The following LRMDA variants were observed in gnomAD, a reference collection of about 807,000 sequenced individuals.
LRMDA encodes the protein leucine-rich melanocyte differentiation-associated protein.
In LRMDA, 18 loss-of-function variants were observed where a neutral mutation model predicts 29.8. The ratio of observed to expected loss-of-function variants is 0.60; its 90% confidence interval spans 0.42 to 0.90. The LOEUF is 0.90. Ranked by LOEUF, LRMDA falls within the 40% of genes least tolerant of loss-of-function variation. The pLI, the probability that LRMDA is intolerant of heterozygous loss-of-function variation, is 0.00. For synonymous variants in LRMDA, 125 were observed against 109.4 expected (o/e 1.14, Z -0.89); for missense variants, 273 against 273.9 (o/e 1.00, Z 0.02).
In LRMDA at chr10:76,268,166, G is replaced by A. The variant is rs1840027871; in HGVS notation, c.517-56235G>A. ...TGTAACAAATATAACCTGGTGTGAAGGCCAAGGTTAACCCTAACCCAAACC... is the reference window on the plus strand; with the variant it reads ...TGTAACAAATATAACCTGGTGTGAAAGCCAAGGTTAACCCTAACCCAAACC... On this transcript the variant is annotated intron_variant, in intron 5 of 6. Coordinates refer to ENST00000611255, the MANE Select transcript of LRMDA (RefSeq NM_001305581.2). Among the ~76,000 whole-genome samples, 6 of 152,258 alleles carry A rather than the reference G, an allele frequency of 3.9e-5. No individual in the cohort carries two copies. The South Asian group carries it at 1.2e-3, about 32-fold the overall frequency.
chr10:76,420,725 T>G (rs985596909), intron 6 of LRMDA, among the ~76,000 whole-genome samples: 20 of 152,292 alleles, frequency 1.3e-4, no homozygotes, highest in African/African-American at 4.3e-4. Flanking sequence ...CATACTTTCA[T>G]AGTCATTCAA....
intron 6 of LRMDA, among the ~76,000 whole-genome samples, chr10:76,348,016 C>T (rs2132428349): frequency 6.6e-6 from 1 of 152,188 alleles, no homozygotes; most frequent in South Asian, 2.1e-4. Context: ...AGGTGTGGTA[C>T]ATGCATGGGA....
In LRMDA at chr10:75,761,326, A is replaced by AT. The variant is rs140400587; in HGVS notation, c.132-274679dup. On this transcript the variant is annotated intron_variant, in intron 2 of 6. Transcript: ENST00000611255. Reference sequence around the variant, plus strand: ...AATGGATAAACAAAATATAGCCTATATTTACAATGTAATATTATCCAGCCT... The same window carrying AT: ...AATGGATAAACAAAATATAGCCTATATTTTACAATGTAATATTATCCAGCCT... Among the ~76,000 whole-genome samples the AT allele has an allele frequency of 2.6e-3, 396 of 152,352 alleles. 3 individuals are homozygous for AT. The highest frequency in any genetic ancestry group is 0.024 in the South Asian group (114 of 4,828).
At chr10:76,128,489 G>T (rs1222060771) in intron 5 of LRMDA, among the ~76,000 whole-genome samples, 1 of 152,218 alleles carries the variant, frequency 6.6e-6, no homozygotes, top group Admixed American at 6.5e-5. Flanking sequence ...CCCAGTTGGA[G>T]AAATTAAAAG....
chr10:76,351,190 G>A (rs1161673533), intron 6 of LRMDA, among the ~76,000 whole-genome samples: 2 of 152,128 alleles, frequency 1.3e-5, no homozygotes, highest in Non-Finnish European at 2.9e-5. Context: ...AATGCAGAAT[G>A]AAGGATGCAG....
intron 6 of LRMDA, among the ~76,000 whole-genome samples, chr10:76,541,568 A>T (rs1308914667): frequency 6.9e-6 from 1 of 145,388 alleles, no homozygotes; most frequent in Non-Finnish European, 1.5e-5. Context: ...TTTATTCTTT[A>T]AGTCAGTATT....
chr10:75,756,573 C>T (rs1206377716), intron 2 of LRMDA, among the ~76,000 whole-genome samples: 1 of 152,224 alleles, frequency 6.6e-6, no homozygotes, highest in African/African-American at 2.4e-5. Context: ...TGCAGCTGAA[C>T]ATAATCCTAA....
intron 6 of LRMDA, among the ~76,000 whole-genome samples, chr10:76,383,580 G>A (rs1053740209): frequency 7.3e-5 from 11 of 149,668 alleles, no homozygotes; most frequent in Admixed American, 1.3e-4. Context: ...ACAGGCGCCC[G>A]CCACCACGCC....
chr10:76,357,581 G>T (rs1297661331), intron 6 of LRMDA, among the ~76,000 whole-genome samples: 1 of 152,180 alleles, frequency 6.6e-6, no homozygotes, highest in Non-Finnish European at 1.5e-5. Flanking sequence ...ACTCTATATT[G>T]TTTGTTCTCT....
intron 5 of LRMDA, among the ~76,000 whole-genome samples, chr10:76,204,750 A>G (rs80222636): frequency 0.013 from 1,924 of 152,348 alleles, 49 homozygotes; most frequent in African/African-American, 0.041. Flanking sequence ...GTCCCAATCT[A>G]GGGCTTAATT....
At chr10:75,946,415 C>T (rs1846476957) in intron 2 of LRMDA, among the ~76,000 whole-genome samples, 1 of 152,204 alleles carries the variant, frequency 6.6e-6, no homozygotes, top group Admixed American at 6.5e-5. Context: ...CATCTGACTG[C>T]ACATGGGCCT....
At chr10:75,921,640 A>G (rs1398218994) in intron 2 of LRMDA, among the ~76,000 whole-genome samples, 1 of 152,142 alleles carries the variant, frequency 6.6e-6, no homozygotes, top group Admixed American at 6.5e-5. Flanking sequence ...ATGTGGGCAT[A>G]TGTGCATGCA....
At chr10:75,719,037 G>T (rs1184191271) in intron 2 of LRMDA, among the ~76,000 whole-genome samples, 4 of 152,180 alleles carry the variant, frequency 2.6e-5, no homozygotes, top group Non-Finnish European at 5.9e-5. Flanking sequence ...GAGTTAAAAA[G>T]AAAAACAGAT....
intron 2 of LRMDA, among the ~76,000 whole-genome samples, chr10:75,493,792 G>A (rs1185882509): frequency 1.3e-5 from 2 of 152,130 alleles, no homozygotes. Flanking sequence ...CCGGGGAGAA[G>A]AGTGCCTGGA....
At chr10:76,180,331 G>A (rs538162771) in intron 5 of LRMDA, among the ~76,000 whole-genome samples, 1 of 139,850 alleles carries the variant, frequency 7.2e-6, no homozygotes, top group South Asian at 2.3e-4. Flanking sequence ...TGTCACCCCG[G>A]CTGGAGTGCA....
chr10:76,203,307 A>G (rs949270573), intron 5 of LRMDA, among the ~76,000 whole-genome samples: 1 of 152,192 alleles, frequency 6.6e-6, no homozygotes, highest in East Asian at 1.9e-4. Context: ...GGTTTAAAAA[A>G]AATGTTTTTG....
intron 5 of LRMDA, among the ~76,000 whole-genome samples, chr10:76,126,894 C>T (rs1849893596): frequency 6.6e-6 from 1 of 152,204 alleles, no homozygotes; most frequent in Admixed American, 6.5e-5. Context: ...CACTGCCAAC[C>T]AAAAACCACC....
At chr10:75,918,316 T>C (rs777261986) in intron 2 of LRMDA, among the ~76,000 whole-genome samples, 9 of 152,182 alleles carry the variant, frequency 5.9e-5, no homozygotes, top group Non-Finnish European at 1.2e-4. Flanking sequence ...AGAGCCTTAG[T>C]TGGCTCACAG....
chr10:76,314,031 A>G (rs1840661777), intron 5 of LRMDA, among the ~76,000 whole-genome samples: 1 of 152,160 alleles, frequency 6.6e-6, no homozygotes. Context: ...TTTTTGTGCT[A>G]TTCACAATGC....
Sources: allele counts gnomAD v4.1 joint callset (sites outside exome capture counted in the v4.1 genomes callset), GRCh38; gene constraint gnomAD v4.1.1; transcripts MANE v1.5; gene names NCBI Gene and HGNC (gene_info 2026-07-23, HGNC 2026-07-21).